Variants in DTNA observed in about 807,000 individuals in gnomAD.
DTNA encodes the protein dystrophin-related protein 3.
In DTNA, 43 loss-of-function variants were observed where a neutral mutation model predicts 100.7. The ratio of observed to expected loss-of-function variants is 0.43; its 90% CI spans 0.33 to 0.55. The LOEUF (loss-of-function observed/expected upper bound fraction) is 0.55. Ranked by LOEUF, DTNA falls within the 20% of genes least tolerant of loss-of-function variation. The pLI, the probability that DTNA is intolerant of heterozygous loss-of-function variation, is 0.04. For missense variants in DTNA, 798 were observed against 953.9 expected, an observed-to-expected ratio of 0.84 and a Z score of 2.15; for synonymous variants, 349 against 347.9, an observed-to-expected ratio of 1.00 and a Z score of -0.04.
intron 3 of DTNA, among the ~76,000 whole-genome samples, chr18:34,775,505 T>C (rs2094001925): frequency 6.6e-6 from 1 of 151,758 alleles, no homozygotes; most frequent in South Asian, 2.1e-4. Flanking sequence ...AATAAATAAA[T>C]AAATAAAAAT....
chr18:34,499,425 T>C (rs2039650549), intron 1 of DTNA, among the ~76,000 whole-genome samples: 1 of 152,218 alleles, frequency 6.6e-6, no homozygotes, highest in South Asian at 2.1e-4. Flanking sequence ...ATTTTTTGGC[T>C]ACTACAACTA....
In DTNA at chr18:34,889,634, T is replaced by C. The variant is rs1231153586; in HGVS notation, c.*1900T>C. On this transcript the variant is annotated 3_prime_UTR_variant, in exon 23 of 23. Coordinates refer to ENST00000444659, the MANE Select transcript of DTNA (RefSeq NM_001386795.1). ...TGTACGATGTTCACATGTCTGCGTT[T>C]GGTCAGACATCATCTCCTTGGCTGC... 2.0e-6 allele frequency: 2 copies of C among 985,534 alleles called. No homozygotes were observed. Among genetic ancestry groups the C allele is most frequent in the African/African-American group, 3.5e-5 (2 of 57,226 alleles). The allele number at this position is 985,534 out of a possible 1,614,324, so 61.0% of individuals were successfully genotyped here. A position where few individuals can be genotyped will look rare whatever the true frequency, so the allele number is the denominator to read the frequency against.
chr18:34,543,324 C>CA (rs564395284), intron 1 of DTNA, among the ~76,000 whole-genome samples: 1 of 151,556 alleles, frequency 6.6e-6, no homozygotes, highest in Non-Finnish European at 1.5e-5. Context: ...ATAATTTCTC[C>CA]AAAAAAATTC....
intron 1 of DTNA, among the ~76,000 whole-genome samples, chr18:34,704,200 T>G (rs965897268): frequency 6.6e-6 from 1 of 152,212 alleles, no homozygotes; most frequent in Non-Finnish European, 1.5e-5. Context: ...TTACTTGATA[T>G]GTAGTTATAG....
chr18:34,664,928 C>T (rs2075695304), intron 1 of DTNA, among the ~76,000 whole-genome samples: 1 of 151,544 alleles, frequency 6.6e-6, no homozygotes, highest in Admixed American at 6.6e-5. Flanking sequence ...AGTAGCATGG[C>T]AATTTATTGA....
At chr18:34,876,294 G>A (rs932842896) in intron 18 of DTNA, among the ~76,000 whole-genome samples, 1 of 152,034 alleles carries the variant, frequency 6.6e-6, no homozygotes, top group African/African-American at 2.4e-5. Context: ...AGAGATCTAA[G>A]GAAAAGAGAG....
chr18:34,581,029 AG>A (rs1338721997), intron 1 of DTNA, among the ~76,000 whole-genome samples: 2 of 152,078 alleles, frequency 1.3e-5, no homozygotes, highest in Non-Finnish European at 2.9e-5. Context: ...GCGGATCACG[AG>A]GTCAGGAAAT....
chr18:34,506,551 A>G (rs1209106940), intron 1 of DTNA, among the ~76,000 whole-genome samples: 1 of 152,212 alleles, frequency 6.6e-6, no homozygotes, highest in Non-Finnish European at 1.5e-5. Context: ...TGGCTACAAT[A>G]GAGCAGTTAT....
chr18:34,611,402 C>A (rs1005683155), intron 1 of DTNA, among the ~76,000 whole-genome samples: 1 of 152,168 alleles, frequency 6.6e-6, no homozygotes, highest in Non-Finnish European at 1.5e-5. Flanking sequence ...GAAGTTTCCT[C>A]CAGTCTCAGG....
intron 4 of DTNA, among the ~76,000 whole-genome samples, chr18:34,803,655 T>A (rs1486277475): frequency 6.6e-6 from 1 of 152,240 alleles, no homozygotes; most frequent in Non-Finnish European, 1.5e-5. Context: ...TTTACTGTTG[T>A]CATTATTTGA....
chr18:34,824,513 G>GTA (rs559491008), intron 9 of DTNA, among the ~76,000 whole-genome samples: 130 of 152,004 alleles, frequency 8.6e-4, no homozygotes, highest in African/African-American at 2.9e-3. Flanking sequence ...CATGGCACAT[G>GTA]TATACCTACG....
At chr18:34,634,438 AATTT>A (rs1231565460) in intron 1 of DTNA, among the ~76,000 whole-genome samples, 9 of 152,174 alleles carry the variant, frequency 5.9e-5, no homozygotes, top group Non-Finnish European at 1.3e-4. Flanking sequence ...TATAAACAAA[AATTT>A]AGTAAGAAAG....
intron 1 of DTNA, among the ~76,000 whole-genome samples, chr18:34,593,051 AG>A (rs2049920630): frequency 6.6e-6 from 1 of 152,114 alleles, no homozygotes; most frequent in African/African-American, 2.4e-5. Flanking sequence ...TCTGGCAGTG[AG>A]TAGGGGGAGG....
At chr18:34,623,921 G>A (rs950134092) in intron 1 of DTNA, among the ~76,000 whole-genome samples, 1 of 152,186 alleles carries the variant, frequency 6.6e-6, no homozygotes, top group Non-Finnish European at 1.5e-5. Flanking sequence ...TTACACAGAT[G>A]TGGCGCTTTC....
intron 1 of DTNA, among the ~76,000 whole-genome samples, chr18:34,672,321 A>G (rs941276489): frequency 1.3e-5 from 2 of 152,182 alleles, no homozygotes; most frequent in African/African-American, 4.8e-5. Flanking sequence ...TTATTTGTGT[A>G]GGTAAATACA....
In DTNA at chr18:34,890,232, G is replaced by T; in HGVS notation, c.*2498G>T. 6.7e-7 allele frequency: 1 copy of T among 1,497,376 alleles called. No individual in the cohort carries two copies. The highest frequency in any genetic ancestry group is 8.9e-7 in the Non-Finnish European group (1 of 1,128,680). 92.8% of individuals were successfully genotyped at this position (1,497,376 alleles called of 1,614,324 possible). A position where few individuals can be genotyped will look rare whatever the true frequency, so the allele number is the denominator to read the frequency against. ...GTTGATATCGTCATATAAAGCCATT[G>T]CAAGGACTCTGGAAACTGCCGCCAA... is the stretch of plus-strand genomic sequence containing the variant. On this transcript the variant is annotated 3_prime_UTR_variant, in exon 23 of 23. Coordinates refer to ENST00000444659, the MANE Select transcript of DTNA (RefSeq NM_001386795.1).
intron 3 of DTNA, among the ~76,000 whole-genome samples, chr18:34,788,184 G>T (rs1419566976): frequency 1.3e-5 from 2 of 152,066 alleles, no homozygotes. Context: ...CATCTAAAAT[G>T]ATTTAACTAG....
At chr18:34,546,756 TTTCTTTC>T (rs1339708815) in intron 1 of DTNA, among the ~76,000 whole-genome samples, 2 of 151,728 alleles carry the variant, frequency 1.3e-5, no homozygotes, top group Non-Finnish European at 2.9e-5. Context: ...TCTTTCTTTC[TTTCTTTC>T]TTTTTTTTTT....
At chr18:34,542,331 A>G (rs2044326329) in intron 1 of DTNA, among the ~76,000 whole-genome samples, 1 of 152,064 alleles carries the variant, frequency 6.6e-6, no homozygotes, top group Non-Finnish European at 1.5e-5. Context: ...TGCTTCAGTG[A>G]TTATATTGTT....
Sources: allele counts gnomAD v4.1 joint callset (sites outside exome capture counted in the v4.1 genomes callset), GRCh38; gene constraint gnomAD v4.1.1; transcripts MANE v1.5; gene names NCBI Gene and HGNC (gene_info 2026-07-23, HGNC 2026-07-21).